The following MSR1 variants were observed in gnomAD, a reference collection of about 807,000 sequenced individuals.
The protein encoded by MSR1 is macrophage scavenger receptor 1.
A neutral mutation model predicts 47.2 loss-of-function variants in MSR1; 53 were observed. The ratio of observed to expected loss-of-function variants is 1.12; its 90% confidence interval spans 0.90 to 1.41. The LOEUF is 1.41. Among genes scored for constraint, MSR1 ranks in the 40% most tolerant of loss-of-function variants. MSR1 has a pLI of 0.00. For synonymous variants in MSR1, 239 were observed against 185.6 expected (o/e 1.29, Z -2.34); for missense variants, 786 against 546.9 (o/e 1.44, Z -4.36).
chr8:16,142,865 A>C (rs556603860), intron 8 of MSR1, among the ~76,000 whole-genome samples: 1 of 152,200 alleles, frequency 6.6e-6, no homozygotes, highest in African/African-American at 2.4e-5. Context: ...GATTCTGAGA[A>C]GTTAAGTGGG....
intron 1 of MSR1, among the ~76,000 whole-genome samples, chr8:16,178,824 G>A (rs1358638901): frequency 6.6e-6 from 1 of 152,014 alleles, no homozygotes; most frequent in East Asian, 1.9e-4. Context: ...GTATCTCATT[G>A]TGGTTTGGAT....
intron 8 of MSR1, among the ~76,000 whole-genome samples, chr8:16,137,777 G>C (rs1224008408): frequency 6.6e-6 from 1 of 152,078 alleles, no homozygotes; most frequent in Non-Finnish European, 1.5e-5. Flanking sequence ...AGGATCGCTT[G>C]AGGCCAAGAG....
At position 16,166,409 on chromosome 8, in the gene MSR1, C is replaced by G; in HGVS notation, c.630+2049G>C. ...AACTCCTGACCTCGTGGTCCACCCA[C>G]CTCGGCCTCCCAAAGTGCTGGGATT... On this transcript the variant is annotated intron_variant, in intron 4 of 9. Transcript: ENST00000262101. Among the ~76,000 whole-genome samples, 2 of 151,802 alleles carry G rather than the reference C, an allele frequency of 1.3e-5. 1 individual carries two copies.
chr8:16,160,118 G>A (rs1354613538), intron 5 of MSR1, among the ~76,000 whole-genome samples: 2 of 152,004 alleles, frequency 1.3e-5, no homozygotes, highest in African/African-American at 4.8e-5. Context: ...GGGCAACAGA[G>A]AGTCTTTATG....
chr8:16,166,784 A>C (rs1801324270), intron 4 of MSR1, among the ~76,000 whole-genome samples: 1 of 152,092 alleles, frequency 6.6e-6, no homozygotes, highest in Non-Finnish European at 1.5e-5. Flanking sequence ...TGCTGGTGTC[A>C]CTTATAACCT....
At chr8:16,122,697 G>A (rs376947408) in intron 8 of MSR1, among the ~76,000 whole-genome samples, 3 of 152,054 alleles carry the variant, frequency 2.0e-5, no homozygotes, top group Non-Finnish European at 4.4e-5. Context: ...TTTAGAAGAG[G>A]AGACATATTA....
At chr8:16,132,187 T>C (rs1026648910) in intron 8 of MSR1, among the ~76,000 whole-genome samples, 1 of 152,100 alleles carries the variant, frequency 6.6e-6, no homozygotes, top group Non-Finnish European at 1.5e-5. Context: ...GTAGTTCTCC[T>C]TGTAGAAGTC....
intron 8 of MSR1, chr8:16,120,882 CA>C: frequency 9.0e-6 from 4 of 445,466 alleles, no homozygotes; most frequent in Non-Finnish European, 1.6e-5. Flanking sequence ...GATTATATTC[CA>C]ACGAGTTTGA....
rs549834527 is a variant in MSR1, at chr8:16,184,387, G to C, written c.-4-6395C>G. The stretch of plus-strand genomic sequence containing the variant: ...TCAATTTTCTTGAGTACCTTCGAGA[G>C]TGGGAAAAAGACAAAAGGAGAAAAA... On this transcript the variant is annotated intron_variant, in intron 1 of 9. Coordinates refer to ENST00000262101, the MANE Select transcript of MSR1 (RefSeq NM_138715.3). Among the ~76,000 whole-genome samples the C allele has an allele frequency of 7.9e-5, 12 of 152,134 alleles. 1 individual carries two copies. In the South Asian group the frequency reaches 1.0e-3, roughly 13 times the overall value.
intron 5 of MSR1, 43 bp from the exon 6 acceptor site, chr8:16,155,187 G>C (rs765792819): frequency 2.1e-6 from 3 of 1,455,972 alleles, no homozygotes; most frequent in Admixed American, 1.7e-5. Flanking sequence ...GTAAAGCATA[G>C]GAAAAATGGG....
At chr8:16,189,128 C>A (rs1343544546) in intron 1 of MSR1, among the ~76,000 whole-genome samples, 2 of 139,854 alleles carry the variant, frequency 1.4e-5, no homozygotes, top group African/African-American at 5.4e-5. Context: ...ATACGCAAAA[C>A]CTTATTTTAC....
intron 9 of MSR1, among the ~76,000 whole-genome samples, chr8:16,112,942 A>ATT (rs1563136141): frequency 0.017 from 1,995 of 117,450 alleles, 50 homozygotes; most frequent in African/African-American, 0.054. Context: ...ATTTTTTTTA[A>ATT]GTTTTTTTTT....
At chr8:16,125,300 C>T (rs572154601) in intron 8 of MSR1, among the ~76,000 whole-genome samples, 50 of 152,262 alleles carry the variant, frequency 3.3e-4, no homozygotes, top group African/African-American at 1.2e-3. Flanking sequence ...GGGAAATCTG[C>T]ATGGGAAGGC....
At chr8:16,114,058 T>C (rs964938877) in intron 9 of MSR1, among the ~76,000 whole-genome samples, 1 of 152,184 alleles carries the variant, frequency 6.6e-6, no homozygotes, top group Non-Finnish European at 1.5e-5. Flanking sequence ...ATATTTAACA[T>C]TCAAATGTTT....
rs1799682557 is a variant in MSR1, at chr8:16,108,387, A to G, written c.*1698T>C. On this transcript the variant is annotated 3_prime_UTR_variant, in exon 10 of 10. Transcript: ENST00000262101. ...GGCACTGATTTCAGACATCCCATGC[A>G]TACCACTTACGCATAAGTAGTAAAT... 6.6e-6 allele frequency: 1 copy of G among 151,382 alleles called. No homozygotes were observed. The highest frequency in any genetic ancestry group is 2.4e-5 in the African/African-American group (1 of 41,200). The allele number at this position is 151,382 out of a possible 1,614,324, so 9.4% of individuals were successfully genotyped here.
In MSR1 at chr8:16,186,124, C is replaced by A. The variant is rs138811220; in HGVS notation, c.-5+6474G>T. Reference sequence around the variant, plus strand: ...GTAATAAATGTATAAAAATGAAAGTCCCTGAGTGCATAAATGAAAGTTGTT... The same window carrying A: ...GTAATAAATGTATAAAAATGAAAGTACCTGAGTGCATAAATGAAAGTTGTT... On this transcript the variant is annotated intron_variant, in intron 1 of 9. Coordinates refer to ENST00000262101, the MANE Select transcript of MSR1 (RefSeq NM_138715.3). The A allele has an allele frequency of 1.3e-3, 1,886 of 1,501,200 alleles. 21 individuals are homozygous for A. The African/African-American group carries it at 0.022, about 17-fold the overall frequency. The allele number at this position is 1,501,200 out of a possible 1,614,324, so 93.0% of individuals were successfully genotyped here.
rs770671222 is a variant in MSR1, at chr8:16,141,052, CATATATAAAGG to C, written c.1033+2495_1033+2505del. ...TCAGTGAGTTGTACTGGTCCTGACA[CATATATAAAGG>C]AGGAAATTAATTATTTTTAACATAT... On this transcript the variant is annotated intron_variant, in intron 8 of 9. Coordinates refer to ENST00000262101, the MANE Select transcript of MSR1 (RefSeq NM_138715.3). 6.8e-6 allele frequency: 11 copies of C among 1,612,818 alleles called. 1 individual carries two copies. The South Asian group carries it at 1.2e-4, about 18-fold the overall frequency.
intron 7 of MSR1, 76 bp from the exon 8 acceptor site, chr8:16,143,687 C>T: frequency 9.6e-7 from 1 of 1,042,932 alleles, no homozygotes. Flanking sequence ...GACAGATCAT[C>T]ACAAGGTAAT....
At chr8:16,172,938 C>T (rs1801529667) in intron 3 of MSR1, among the ~76,000 whole-genome samples, 1 of 151,854 alleles carries the variant, frequency 6.6e-6, no homozygotes, top group Admixed American at 6.6e-5. Flanking sequence ...TTTTTTATGC[C>T]AAGTAGAGAT....
Sources: allele counts gnomAD v4.1 joint callset (sites outside exome capture counted in the v4.1 genomes callset), GRCh38; gene constraint gnomAD v4.1.1; transcripts MANE v1.5; gene names NCBI Gene and HGNC (gene_info 2026-07-23, HGNC 2026-07-21).